The following CSMD1 variants were observed in gnomAD, a reference collection of about 807,000 sequenced individuals.
The protein encoded by CSMD1 is CUB and sushi domain-containing protein 1.
Under a neutral mutation model 417.5 loss-of-function variants are expected in CSMD1, and 213 were observed. The ratio of observed to expected loss-of-function variants is 0.51; its 90% CI spans 0.46 to 0.57. The LOEUF is 0.57. CSMD1 is among the 20% of genes least tolerant of loss of function. The pLI, the probability that CSMD1 is intolerant of heterozygous loss-of-function variation, is 0.00. For missense variants in CSMD1, 6,923 were observed against 4,529.7 expected (o/e 1.53, Z -15.17); for synonymous variants, 2,862 against 1,736.8 (o/e 1.65, Z -16.11).
At position 4,678,017 on chromosome 8, in the gene CSMD1, T is replaced by C. The variant is rs372920885; in HGVS notation, c.86-40459A>G. 1.5e-3 allele frequency among the ~76,000 whole-genome samples: 224 copies of C among 152,146 alleles called. 10 individuals are homozygous for C. In the South Asian group the frequency reaches 0.042, roughly 29 times the overall value. On this transcript the variant is annotated intron_variant, in intron 1 of 69. Coordinates refer to ENST00000635120, the MANE Select transcript of CSMD1 (RefSeq NM_033225.6). ...AGAGACAGTGATAAACAAACAAATA[T>C]AAAACCAAATGGGAACTATTTTAGT...
chr8:3,980,570 T>C (rs1328254623), intron 5 of CSMD1, among the ~76,000 whole-genome samples: 1 of 152,348 alleles, frequency 6.6e-6, no homozygotes, highest in East Asian at 1.9e-4. Flanking sequence ...AAATTCGTAG[T>C]GAAAATAGTT....
chr8:3,308,149 AAC>A (rs1441251119), intron 24 of CSMD1, among the ~76,000 whole-genome samples, 161 bp downstream of exon 24: 1 of 152,198 alleles, frequency 6.6e-6, no homozygotes, highest in Admixed American at 6.5e-5. Flanking sequence ...CATAGCTGAA[AAC>A]ACACACTCAC....
intron 17 of CSMD1, among the ~76,000 whole-genome samples, chr8:3,394,330 A>C (rs1811556719): frequency 1.3e-5 from 2 of 150,194 alleles, no homozygotes; most frequent in South Asian, 4.2e-4. Flanking sequence ...CAAGCTAAAT[A>C]GAAATTTATG....
chr8:3,365,298 A>C (rs147163741), intron 20 of CSMD1, among the ~76,000 whole-genome samples: 3 of 152,334 alleles, frequency 2.0e-5, no homozygotes, highest in African/African-American at 4.8e-5. Flanking sequence ...AAAAATCAAC[A>C]AAGTCAGATT....
intron 5 of CSMD1, among the ~76,000 whole-genome samples, chr8:3,973,794 C>G (rs942689750): frequency 6.6e-5 from 10 of 152,184 alleles, no homozygotes; most frequent in African/African-American, 2.4e-4. Flanking sequence ...GTATCTATTT[C>G]TCAGAAACCA....
intron 3 of CSMD1, among the ~76,000 whole-genome samples, chr8:4,351,962 T>TTTC: frequency 6.6e-6 from 1 of 151,128 alleles, no homozygotes; most frequent in Non-Finnish European, 1.5e-5. Flanking sequence ...TTTTTTTTTT[T>TTTC]TTCAGAAAAA....
chr8:4,195,098 A>C lies in CSMD1; in HGVS notation c.416-162999T>G, dbSNP rs185683277. On this transcript the variant is annotated intron_variant, in intron 3 of 69. Transcript: ENST00000635120. The stretch of plus-strand genomic sequence containing the variant: ...CCTAGAATTCTGCCCATGAAATTGG[A>C]AACAGAAACCAGATGAAACATTTTA... Among the ~76,000 whole-genome samples the C allele has an allele frequency of 2.3e-3, 347 of 152,364 alleles. 3 individuals carry two copies. The highest frequency in any genetic ancestry group is 7.7e-3 in the African/African-American group (320 of 41,586).
At chr8:4,688,816 T>C (rs980557156) in intron 1 of CSMD1, among the ~76,000 whole-genome samples, 3 of 152,174 alleles carry the variant, frequency 2.0e-5, no homozygotes, top group South Asian at 2.1e-4. Flanking sequence ...TCTGTAAACA[T>C]CGCAAGTGGT....
chr8:4,905,581 A>C (rs560452384), intron 1 of CSMD1, among the ~76,000 whole-genome samples: 78 of 152,036 alleles, frequency 5.1e-4, no homozygotes, highest in Non-Finnish European at 8.4e-4. Flanking sequence ...GCACTTTGGG[A>C]GGCCAAGGTG....
At chr8:4,667,716 A>T (rs1805027654) in intron 1 of CSMD1, among the ~76,000 whole-genome samples, 1 of 152,232 alleles carries the variant, frequency 6.6e-6, no homozygotes, top group Admixed American at 6.5e-5. Flanking sequence ...ACCTTAAATC[A>T]CATGGCATTA....
intron 23 of CSMD1, among the ~76,000 whole-genome samples, chr8:3,312,242 C>T (rs1250390000): frequency 2.0e-5 from 3 of 152,182 alleles, no homozygotes; most frequent in African/African-American, 7.2e-5. Context: ...GCTTAAACTA[C>T]ACCTTGTCAT....
intron 1 of CSMD1, among the ~76,000 whole-genome samples, chr8:4,944,632 C>G (rs1489721293): frequency 6.6e-6 from 1 of 152,120 alleles, no homozygotes; most frequent in African/African-American, 2.4e-5. Context: ...GACTGGCCAA[C>G]AAGCATATGA....
At chr8:4,171,502 C>G (rs1351297532) in intron 3 of CSMD1, among the ~76,000 whole-genome samples, 1 of 151,866 alleles carries the variant, frequency 6.6e-6, no homozygotes, top group African/African-American at 2.4e-5. Flanking sequence ...TGTGATCAAT[C>G]TTTGTACTCT....
chr8:3,581,376 G>A lies in CSMD1; in HGVS notation c.1222+4760C>T, dbSNP rs182389488. Among the ~76,000 whole-genome samples, 13 of 152,282 alleles carry A rather than the reference G, an allele frequency of 8.5e-5. No homozygotes were observed. The East Asian group carries it at 1.7e-3, about 20-fold the overall frequency. ...ACAAAATCACTTGTATAATTACTGA[G>A]CTATGACAACCATTCATCTGTTTGG... On this transcript the variant is annotated intron_variant, in intron 9 of 69. Coordinates refer to ENST00000635120, the MANE Select transcript of CSMD1 (RefSeq NM_033225.6).
At chr8:4,798,470 G>A (rs571138652) in intron 1 of CSMD1, among the ~76,000 whole-genome samples, 41 of 152,236 alleles carry the variant, frequency 2.7e-4, no homozygotes, top group African/African-American at 9.1e-4. Flanking sequence ...TATATAAAAT[G>A]TCTATTAAAA....
At chr8:3,798,881 T>C (rs1585016820) in intron 5 of CSMD1, among the ~76,000 whole-genome samples, 2 of 152,046 alleles carry the variant, frequency 1.3e-5, no homozygotes, top group South Asian at 4.1e-4. Flanking sequence ...CATACAGACA[T>C]AGTCAAGTTT....
At chr8:4,549,919 AAG>A (rs1554509790) in intron 2 of CSMD1, among the ~76,000 whole-genome samples, 15 of 145,676 alleles carry the variant, frequency 1.0e-4, no homozygotes, top group Admixed American at 1.4e-4. Context: ...AAAAAAAAAA[AAG>A]AAAAGAAAAG....
In CSMD1 at chr8:4,372,261, C is replaced by T. The variant is rs939959136; in HGVS notation, c.415+47692G>A. 3.3e-5 allele frequency among the ~76,000 whole-genome samples: 5 copies of T among 152,092 alleles called. No individual in the cohort carries two copies. The East Asian group carries it at 5.8e-4, about 18-fold the overall frequency. On this transcript the variant is annotated intron_variant, in intron 3 of 69. Coordinates refer to ENST00000635120, the MANE Select transcript of CSMD1 (RefSeq NM_033225.6). ...TATATGAAGTAAAGATACATAACGT[C>T]GGCTCTCCATTTCATTTTATTAAGT... is the stretch of plus-strand genomic sequence containing the variant.
intron 46 of CSMD1, among the ~76,000 whole-genome samples, chr8:3,104,156 T>C (rs529384960): frequency 6.6e-6 from 1 of 152,346 alleles, no homozygotes; most frequent in Admixed American, 6.5e-5. Context: ...TGAGGCTTTG[T>C]TTGTTGGGAT....
Sources: gnomAD v4.1 joint callset for allele counts (sites outside exome capture counted in the v4.1 genomes callset) on GRCh38, gnomAD v4.1.1 for gene constraint, MANE v1.5 for transcripts, NCBI Gene and HGNC (gene_info 2026-07-23, HGNC 2026-07-21) for gene names.